The following DNAI4 variants were observed in gnomAD, a reference collection of about 807,000 sequenced individuals.
DNAI4 encodes the protein dynein axonemal intermediate chain 4.
Under a neutral mutation model 105.8 loss-of-function variants are expected in DNAI4, and 85 were observed. That is an observed-to-expected ratio of 0.80 (90% CI 0.67 to 0.96). DNAI4 has a LOEUF of 0.96. DNAI4 is among the 40% of genes least tolerant of loss of function. The pLI is 0.00. For missense variants in DNAI4, 1,014 were observed against 1,005.6 expected (o/e 1.01, Z -0.11); for synonymous variants, 352 against 331.5 (o/e 1.06, Z -0.67).
intron 7 of DNAI4, among the ~76,000 whole-genome samples, chr1:66,861,937 A>T (rs1646635179): frequency 6.6e-6 from 1 of 152,238 alleles, no homozygotes; most frequent in Non-Finnish European, 1.5e-5. Context: ...AGAAAGAGAC[A>T]AACTGAAAAT....
rs1163894613 is a variant in DNAI4, at chr1:66,862,180, C to A, written c.1063G>T (p.Asp355Tyr). ...GTAGTGCTCCCTGGCAATCTTTGGT[C>A]CTGATCTTTAGGAAGTACATTTGCT... is the stretch of plus-strand genomic sequence containing the variant. ...SKANVLPKDQ[D>Y]QRLPGSTTEK... Residue 355 changes from aspartate to tyrosine, a missense_variant, in exon 7 of 17, where the codon GAC becomes TAC. Physicochemically the swap from Asp to Tyr is radical, Grantham distance 160. Coordinates refer to ENST00000371026, the MANE Select transcript of DNAI4 (RefSeq NM_024763.5). 1 of 1,600,220 alleles carries A rather than the reference C, an allele frequency of 6.2e-7. No homozygotes were observed. Among genetic ancestry groups the A allele is most frequent in the Admixed American group, 1.8e-5 (1 of 56,992 alleles).
chr1:66,893,052 A>G (rs1163697277), intron 3 of DNAI4, among the ~76,000 whole-genome samples, 177 bp downstream of exon 3: 25 of 125,910 alleles, frequency 2.0e-4, no homozygotes, highest in African/African-American at 8.8e-4. Flanking sequence ...AGAAAGAAAG[A>G]AAGAGAGAGA....
chr1:66,872,832 C>T (rs1003519708), intron 5 of DNAI4, among the ~76,000 whole-genome samples: 1 of 152,004 alleles, frequency 6.6e-6, no homozygotes, highest in African/African-American at 2.4e-5. Context: ...CGTGCCTCAG[C>T]CTCCTGAGTA....
intron 1 of DNAI4, among the ~76,000 whole-genome samples, chr1:66,920,670 C>T (rs1650411783): frequency 6.6e-6 from 1 of 152,204 alleles, no homozygotes; most frequent in Admixed American, 6.5e-5. Flanking sequence ...GAGTTCACCC[C>T]TGCCAGCGCC....
At chr1:66,896,090 C>T (rs963440209) in intron 2 of DNAI4, among the ~76,000 whole-genome samples, 2 of 152,126 alleles carry the variant, frequency 1.3e-5, no homozygotes, top group Non-Finnish European at 2.9e-5. Flanking sequence ...GGAGTATACC[C>T]ACTTTTAGTG....
In DNAI4 at chr1:66,822,497, T is replaced by C. The variant is rs1366207307; in HGVS notation, c.2360A>G (p.Asn787Ser). 6.2e-7 allele frequency: 1 copy of C among 1,609,118 alleles called. No individual in the cohort carries two copies. The highest frequency in any genetic ancestry group is 8.5e-7 in the Non-Finnish European group (1 of 1,178,188). ...GAACTTGATTCCAGGGTTAGCAGTATTCACAATCAGAGGGTCCAAACTGTA... is the reference window on the plus strand; with the variant it reads ...GAACTTGATTCCAGGGTTAGCAGTACTCACAATCAGAGGGTCCAAACTGTA... ...HISTLDPLIV[N>S]TANPGIKFTT... Residue 787 changes from asparagine (N) to serine (S), a missense_variant, in exon 16 of 17, where the codon AAT becomes AGT. Coordinates refer to ENST00000371026, the MANE Select transcript of DNAI4 (RefSeq NM_024763.5).
chr1:66,821,723 T>C (rs1349869428), intron 16 of DNAI4, among the ~76,000 whole-genome samples: 1 of 152,180 alleles, frequency 6.6e-6, no homozygotes, highest in Non-Finnish European at 1.5e-5. Context: ...TATTGATTTG[T>C]GCATATTTTT....
chr1:66,827,161 G>T, intron 14 of DNAI4, 115 bp from the exon 15 acceptor site: 2 of 849,754 alleles, frequency 2.4e-6, no homozygotes, highest in Non-Finnish European at 3.6e-6. Flanking sequence ...TCATTATTGT[G>T]TGGGCATTAT....
intron 6 of DNAI4, among the ~76,000 whole-genome samples, chr1:66,870,592 A>T (rs1646822793): frequency 6.6e-6 from 1 of 151,028 alleles, no homozygotes; most frequent in South Asian, 2.1e-4. Context: ...CTCTATAAAA[A>T]TACAAAAATT....
At position 66,862,296 on chromosome 1, in the gene DNAI4, A is replaced by T. The variant is rs200408809; in HGVS notation, c.947T>A (p.Met316Lys). The T allele has an allele frequency of 6.2e-7, 1 of 1,606,114 alleles. No homozygotes were observed. Among genetic ancestry groups the T allele is most frequent in the East Asian group, 2.2e-5 (1 of 44,600 alleles). ...DKIIMEDKGI[M>K]STAWDLYDSY... is the part of the protein sequence containing the mutation. ...ATCATACAAATCCCAGGCAGTGGAC[A>T]TTATGCCTAGATAAAGACACAGAAA... Residue 316 changes from methionine (M) to lysine (K), a missense_variant, in exon 7 of 17, where the codon ATG becomes AAG. Transcript: ENST00000371026.
intron 6 of DNAI4, among the ~76,000 whole-genome samples, chr1:66,864,323 C>T (rs189414843): frequency 6.6e-6 from 1 of 152,132 alleles, no homozygotes; most frequent in African/African-American, 2.4e-5. Context: ...TGTGACTTCC[C>T]AATTTTATAA....
At chr1:66,850,664 A>G (rs1646377295) in intron 7 of DNAI4, among the ~76,000 whole-genome samples, 1 of 152,046 alleles carries the variant, frequency 6.6e-6, no homozygotes, top group African/African-American at 2.4e-5. Flanking sequence ...TTAAATGTTT[A>G]TATATCTAAA....
chr1:66,847,820 C>T (rs956880641), intron 7 of DNAI4, 142 bp from the exon 8 acceptor site: 1 of 656,708 alleles, frequency 1.5e-6, no homozygotes, highest in Non-Finnish European at 2.5e-6. Context: ...TATTGAATAT[C>T]TTACGTACCA....
chr1:66,892,957 G>GA (rs1553227446), intron 3 of DNAI4, among the ~76,000 whole-genome samples: 1 of 103,916 alleles, frequency 9.6e-6, no homozygotes, highest in African/African-American at 4.3e-5. Flanking sequence ...AGAGAAGAAA[G>GA]AAAGAAAGAA....
intron 15 of DNAI4, 132 bp from the exon 16 acceptor site, chr1:66,822,649 T>C (rs1645655788): frequency 1.4e-6 from 1 of 706,068 alleles, no homozygotes; most frequent in South Asian, 3.2e-5. Flanking sequence ...GTTTCCAAAC[T>C]CAAAATAACT....
chr1:66,837,621 C>T (rs1252934646), intron 10 of DNAI4, 89 bp downstream of exon 10: 48 of 1,359,474 alleles, frequency 3.5e-5, no homozygotes, highest in Non-Finnish European at 4.6e-5. Context: ...ATTTTCTAGA[C>T]TTTATTTAAT....
intron 7 of DNAI4, among the ~76,000 whole-genome samples, chr1:66,851,179 A>C (rs572101814): frequency 1.3e-5 from 2 of 151,880 alleles, no homozygotes; most frequent in Non-Finnish European, 2.9e-5. Context: ...ACATTAACCA[A>C]AAGAAAGCAG....
chr1:66,862,285 A>G lies in DNAI4; in HGVS notation c.958T>C (p.Trp320Arg). 6.2e-7 allele frequency: 1 copy of G among 1,607,874 alleles called. No homozygotes were observed. Among genetic ancestry groups the G allele is most frequent in the Non-Finnish European group, 8.5e-7 (1 of 1,178,300 alleles). Residue 320 changes from tryptophan to arginine, a missense_variant, in exon 7 of 17, where the codon TGG (tryptophan) becomes CGG (arginine). Coordinates refer to ENST00000371026, the MANE Select transcript of DNAI4 (RefSeq NM_024763.5). ...GCATTGTAAGAATCATACAAATCCC[A>G]GGCAGTGGACATTATGCCTAGATAA... is the stretch of plus-strand genomic sequence containing the variant. ...MEDKGIMSTA[W>R]DLYDSYNAME... is the part of the protein sequence containing the mutation.
chr1:66,847,438 A>G, intron 8 of DNAI4, 46 bp downstream of exon 8: 1 of 1,557,564 alleles, frequency 6.4e-7, no homozygotes, highest in South Asian at 1.2e-5. Context: ...GATTATAAGC[A>G]TAAGCAACTG....
Sources: gnomAD v4.1 joint callset for allele counts (sites outside exome capture counted in the v4.1 genomes callset) on GRCh38, gnomAD v4.1.1 for gene constraint, MANE v1.5 for transcripts, NCBI Gene and HGNC (gene_info 2026-07-23, HGNC 2026-07-21) for gene names.